The following SLC35F1 variants were observed in gnomAD, a reference collection of about 807,000 sequenced individuals.
SLC35F1 encodes the protein chromosome 6 open reading frame 169.
In SLC35F1, 14 loss-of-function variants were observed where a neutral mutation model predicts 48.7. The observed-to-expected ratio is 0.29, with a 90% CI of 0.19 to 0.45. The LOEUF (loss-of-function observed/expected upper bound fraction) is 0.45, where lower values mean the gene tolerates loss of function less well. Ranked by LOEUF, SLC35F1 falls within the 20% of genes least tolerant of loss-of-function variation. The pLI, the probability that SLC35F1 is intolerant of heterozygous loss-of-function variation, is 1.00. For synonymous variants in SLC35F1, 190 were observed against 202.2 expected, an observed-to-expected ratio of 0.94 and a Z score of 0.51; for missense variants, 404 against 500.0, an observed-to-expected ratio of 0.81 and a Z score of 1.83.
chr6:118,196,101 G>A (rs1042248564), intron 2 of SLC35F1, among the ~76,000 whole-genome samples: 1 of 152,162 alleles, frequency 6.6e-6, no homozygotes, highest in Non-Finnish European at 1.5e-5. Context: ...GTAAAGTGAC[G>A]TATGGAAATC....
At chr6:118,020,171 T>A (rs1010208007) in intron 1 of SLC35F1, among the ~76,000 whole-genome samples, 7 of 152,222 alleles carry the variant, frequency 4.6e-5, no homozygotes, top group Non-Finnish European at 8.8e-5. Context: ...TGCCACAGGA[T>A]TTGAAACAAT....
intron 1 of SLC35F1, among the ~76,000 whole-genome samples, chr6:118,066,974 G>T (rs550889418): frequency 6.6e-6 from 1 of 152,174 alleles, no homozygotes; most frequent in South Asian, 2.1e-4. Flanking sequence ...AGCACCATAG[G>T]TACCATAGGT....
chr6:118,215,568 G>A (rs1775060873), intron 2 of SLC35F1, among the ~76,000 whole-genome samples: 1 of 152,120 alleles, frequency 6.6e-6, no homozygotes, highest in African/African-American at 2.4e-5. Flanking sequence ...CTCCCAAAAT[G>A]GGAAATGGCA....
intron 1 of SLC35F1, among the ~76,000 whole-genome samples, chr6:118,000,152 A>G (rs111255787): frequency 6.6e-6 from 1 of 152,232 alleles, no homozygotes; most frequent in Non-Finnish European, 1.5e-5. Flanking sequence ...ACCAAAAAAG[A>G]GAATTTTAGA....
chr6:117,907,869 T>G lies in SLC35F1; in HGVS notation c.143T>G (p.Val48Gly), dbSNP rs1775712075. The change falls in exon 1 of 8, where the codon GTG (valine) becomes GGG (glycine). Residue 48 changes from valine to glycine, a missense_variant. By Grantham distance (109) the Val-to-Gly change is moderately radical. Around this residue, in one of 2 missense-constraint regions of SLC35F1, gnomAD observed 98 missense variants for 81.0 expected, o/e 1.21. Coordinates refer to ENST00000360388, the MANE Select transcript of SLC35F1 (RefSeq NM_001029858.4). ...CTGTCCGCCTCCTCCCGGGCTGGCG[T>G]GCGCCAGAGGATCCGCAAAGTGCTG... ...GSLSASSRAGVRQRIRKVLNR... is the reference protein window; with the variant it reads ...GSLSASSRAGGRQRIRKVLNR... 1.3e-6 allele frequency: 2 copies of G among 1,514,058 alleles called. No homozygotes were observed. Among genetic ancestry groups the G allele is most frequent in the Non-Finnish European group, 1.8e-6 (2 of 1,141,672 alleles). The allele number at this position is 1,514,058 out of a possible 1,614,324, so 93.8% of individuals were successfully genotyped here. A position where few individuals can be genotyped will look rare whatever the true frequency, so the allele number is the denominator to read the frequency against.
At chr6:118,237,592 G>C (rs1314983880) in intron 3 of SLC35F1, among the ~76,000 whole-genome samples, 3 of 152,070 alleles carry the variant, frequency 2.0e-5, no homozygotes, top group Non-Finnish European at 2.9e-5. Context: ...ATTTCCCCAT[G>C]TTGCCCAGGC....
intron 1 of SLC35F1, among the ~76,000 whole-genome samples, chr6:117,980,249 TC>T (rs934295851): frequency 3.5e-4 from 53 of 152,244 alleles, no homozygotes; most frequent in African/African-American, 1.2e-3. Context: ...GGGCTAGACC[TC>T]CAAAACCTCT....
At chr6:117,976,676 T>TA (rs1049934994) in intron 1 of SLC35F1, among the ~76,000 whole-genome samples, 2 of 151,438 alleles carry the variant, frequency 1.3e-5, no homozygotes, top group East Asian at 1.9e-4. Flanking sequence ...CTTGCTATAA[T>TA]AAAAAAAAAG....
At chr6:118,027,694 T>A (rs931026662) in intron 1 of SLC35F1, among the ~76,000 whole-genome samples, 4 of 152,136 alleles carry the variant, frequency 2.6e-5, no homozygotes, top group African/African-American at 9.7e-5. Flanking sequence ...TCTTCATATA[T>A]TCTAGATACA....
chr6:118,263,205 C>T (rs1161467213), intron 3 of SLC35F1, among the ~76,000 whole-genome samples: 2 of 152,026 alleles, frequency 1.3e-5, no homozygotes, highest in Non-Finnish European at 2.9e-5. Context: ...TACAGGCATG[C>T]GCCATCATGC....
chr6:117,932,973 G>A (rs970434374), intron 1 of SLC35F1, among the ~76,000 whole-genome samples: 2 of 152,150 alleles, frequency 1.3e-5, no homozygotes, highest in Admixed American at 6.5e-5. Flanking sequence ...AGTTTCTTAC[G>A]TTGATTTTAC....
At chr6:118,076,194 C>CCAAATTA (rs1772815538) in intron 1 of SLC35F1, among the ~76,000 whole-genome samples, 1 of 152,104 alleles carries the variant, frequency 6.6e-6, no homozygotes, top group Non-Finnish European at 1.5e-5. Context: ...TTTCTCACCC[C>CCAAATTA]CAAATTACAT....
At chr6:118,192,394 T>C (rs1230137719) in intron 2 of SLC35F1, among the ~76,000 whole-genome samples, 3 of 152,202 alleles carry the variant, frequency 2.0e-5, no homozygotes, top group African/African-American at 7.2e-5. Context: ...GATACGATTT[T>C]AAAGTTATTA....
intron 2 of SLC35F1, among the ~76,000 whole-genome samples, chr6:118,229,947 T>G (rs1225326276): frequency 6.6e-6 from 1 of 152,248 alleles, no homozygotes; most frequent in Non-Finnish European, 1.5e-5. Context: ...CAAATTAGAA[T>G]GACTTTCATT....
intron 1 of SLC35F1, among the ~76,000 whole-genome samples, chr6:118,145,201 A>T (rs1268493492): frequency 6.6e-6 from 1 of 152,174 alleles, no homozygotes. Context: ...TGTGCTGTGC[A>T]TTTCATAAGA....
At chr6:118,217,594 T>C (rs1274867253) in intron 2 of SLC35F1, among the ~76,000 whole-genome samples, 2 of 152,162 alleles carry the variant, frequency 1.3e-5, no homozygotes, top group African/African-American at 2.4e-5. Flanking sequence ...CCCTGAACTG[T>C]GCACTTAAAA....
At chr6:118,113,125 C>T (rs1476587478) in intron 1 of SLC35F1, among the ~76,000 whole-genome samples, 1 of 152,110 alleles carries the variant, frequency 6.6e-6, no homozygotes, top group Non-Finnish European at 1.5e-5. Flanking sequence ...AGGTCTTGCT[C>T]TGTCACCCAG....
chr6:117,919,841 T>C (rs1775873968), intron 1 of SLC35F1, among the ~76,000 whole-genome samples: 1 of 152,188 alleles, frequency 6.6e-6, no homozygotes, highest in African/African-American at 2.4e-5. Flanking sequence ...TAATTGTGCC[T>C]CTCAGCCCAG....
intron 3 of SLC35F1, 134 bp downstream of exon 3, chr6:118,235,770 A>C (rs1392242311): frequency 2.6e-6 from 2 of 775,730 alleles, no homozygotes; most frequent in Non-Finnish European, 3.7e-6. Flanking sequence ...TGCAGTATAC[A>C]GATTCTGTAT....
Sources: gnomAD v4.1 joint callset for allele counts (sites outside exome capture counted in the v4.1 genomes callset) on GRCh38, gnomAD v4.1.1 for gene constraint, gnomAD v4.1.1 regional missense constraint, MANE v1.5 for transcripts, NCBI Gene and HGNC (gene_info 2026-07-23, HGNC 2026-07-21) for gene names.